Variants in DOCK3 observed in about 807,000 individuals in gnomAD.
The protein encoded by DOCK3 is dedicator of cytokinesis 3.
Under a neutral mutation model 265.6 loss-of-function variants are expected in DOCK3, and 60 were observed. The ratio of observed to expected loss-of-function variants is 0.23; its 90% CI spans 0.18 to 0.28. DOCK3 has a LOEUF of 0.28. Ranked by LOEUF, DOCK3 falls within the 10% of genes least tolerant of loss-of-function variation. The probability of loss-of-function intolerance (pLI) is 1.00; values close to 1 mark genes in which losing one functional copy is unlikely to be tolerated. For missense variants in DOCK3, 1,981 were observed against 2,594.3 expected, an observed-to-expected ratio of 0.76 and a Z score of 5.14; for synonymous variants, 881 against 938.0, an observed-to-expected ratio of 0.94 and a Z score of 1.11.
chr3:50,708,020 G>A (rs2036523964), intron 1 of DOCK3, among the ~76,000 whole-genome samples: 1 of 152,214 alleles, frequency 6.6e-6, no homozygotes, highest in Non-Finnish European at 1.5e-5. Flanking sequence ...ACCCACATGT[G>A]AGTTGCTAGT....
chr3:50,853,439 GTTTTTCAATTT>G (rs1284621085), intron 3 of DOCK3, among the ~76,000 whole-genome samples: 2 of 152,080 alleles, frequency 1.3e-5, no homozygotes, highest in Non-Finnish European at 2.9e-5. Flanking sequence ...TCAAGAGGTA[GTTTTTCAATTT>G]TTGCCTCTCT....
chr3:50,776,004 G>C (rs1334867275), intron 1 of DOCK3, among the ~76,000 whole-genome samples: 2 of 152,122 alleles, frequency 1.3e-5, no homozygotes, highest in African/African-American at 2.4e-5. Flanking sequence ...CATTTAGGTT[G>C]GTTCTGTGTC....
At chr3:50,710,056 C>A (rs1029395291) in intron 1 of DOCK3, among the ~76,000 whole-genome samples, 5 of 151,948 alleles carry the variant, frequency 3.3e-5, no homozygotes, top group African/African-American at 1.2e-4. Flanking sequence ...GACCTGAAAC[C>A]AAAAATTTCT....
intron 9 of DOCK3, among the ~76,000 whole-genome samples, chr3:51,138,541 G>T (rs1451283865): frequency 6.6e-6 from 1 of 152,194 alleles, no homozygotes; most frequent in African/African-American, 2.4e-5. Context: ...GAGAAAAAGA[G>T]AAGTTCCTAT....
At position 50,999,476 on chromosome 3, in the gene DOCK3, C is replaced by T. The variant is rs1217503857; in HGVS notation, c.316-64972C>T. Reference sequence around the variant, plus strand: ...ACCTAGTTATTTACCTTGAAACATACATTCTATGATCTCTAAAATTTAGAG... The same window carrying T: ...ACCTAGTTATTTACCTTGAAACATATATTCTATGATCTCTAAAATTTAGAG... On this transcript the variant is annotated intron_variant, in intron 5 of 52. Coordinates refer to ENST00000266037, the MANE Select transcript of DOCK3 (RefSeq NM_004947.5). 2.0e-5 allele frequency among the ~76,000 whole-genome samples: 3 copies of T among 152,298 alleles called. No individual in the cohort carries two copies. In the East Asian group the frequency reaches 5.8e-4, roughly 29 times the overall value.
At chr3:50,843,575 T>A (rs2045940879) in intron 3 of DOCK3, among the ~76,000 whole-genome samples, 1 of 152,220 alleles carries the variant, frequency 6.6e-6, no homozygotes, top group South Asian at 2.1e-4. Flanking sequence ...TGATTACTCT[T>A]AGCAGTGTTT....
At chr3:50,790,624 A>C (rs2042421282) in intron 2 of DOCK3, among the ~76,000 whole-genome samples, 4 of 152,078 alleles carry the variant, frequency 2.6e-5, no homozygotes. Flanking sequence ...TGTTTTGTTT[A>C]AGGAGACTAA....
intron 1 of DOCK3, among the ~76,000 whole-genome samples, chr3:50,738,721 A>G (rs575414135): frequency 6.6e-6 from 1 of 152,304 alleles, no homozygotes; most frequent in South Asian, 2.1e-4. Flanking sequence ...GTGAGGTACT[A>G]TTCCCAAATC....
rs2050424049 is a variant in DOCK3, at chr3:50,921,006, A to C, written c.219-12975A>C. On this transcript the variant is annotated intron_variant, in intron 4 of 52. Coordinates refer to ENST00000266037, the MANE Select transcript of DOCK3 (RefSeq NM_004947.5). ...TATTTCTGCCTTTATTTTGTTATGT[A>C]CCCAGTAGTCATTCAGGAGCAGGTT... 2.0e-5 allele frequency among the ~76,000 whole-genome samples: 3 copies of C among 152,106 alleles called. No individual in the cohort carries two copies. The South Asian group carries it at 6.2e-4, about 32-fold the overall frequency.
intron 1 of DOCK3, among the ~76,000 whole-genome samples, chr3:50,677,412 T>C (rs552146128): frequency 2.0e-5 from 3 of 152,368 alleles, no homozygotes; most frequent in Admixed American, 2.0e-4. Flanking sequence ...ATTATACTTA[T>C]GAGAAAAATA....
intron 23 of DOCK3, among the ~76,000 whole-genome samples, chr3:51,265,815 C>T (rs1205196841): frequency 6.6e-6 from 1 of 152,156 alleles, no homozygotes; most frequent in Non-Finnish European, 1.5e-5. Flanking sequence ...TCTCACACTC[C>T]TATTCAACAT....
Position 51,016,923 on chromosome 3 carries a change from T to TATGA in DOCK3, c.316-47525_316-47524insATGA, listed in dbSNP as rs1448332259. Among the ~76,000 whole-genome samples the TATGA allele has an allele frequency of 6.2e-5, 7 of 113,610 alleles. 1 individual carries two copies. The highest frequency in any genetic ancestry group is 2.5e-4 in the African/African-American group (7 of 27,510). The allele number at this position is 113,610 out of a possible 152,430, so 74.5% of individuals were successfully genotyped here. ...TGATATATGTTTATATATAAATATA[T>TATGA]TAATATATACAATATATGTTATATA... On this transcript the variant is annotated intron_variant, in intron 5 of 52. Transcript: ENST00000266037.
intron 5 of DOCK3, among the ~76,000 whole-genome samples, chr3:51,063,110 T>A (rs2109260838): frequency 6.6e-6 from 1 of 152,208 alleles, no homozygotes; most frequent in East Asian, 1.9e-4. Flanking sequence ...GGGCCAGGTG[T>A]GGTGGCTCAT....
chr3:50,808,275 G>A (rs573488906), intron 2 of DOCK3, among the ~76,000 whole-genome samples: 1 of 152,260 alleles, frequency 6.6e-6, no homozygotes, highest in Admixed American at 6.5e-5. Flanking sequence ...AAAGATGCCA[G>A]TTCTCTCCAA....
chr3:50,757,163 C>CTTTTTTTTTTT (rs34435343), intron 1 of DOCK3, among the ~76,000 whole-genome samples: 1 of 81,626 alleles, frequency 1.2e-5, no homozygotes, highest in Non-Finnish European at 2.1e-5. Context: ...AGATTGTCGT[C>CTTTTTTTTTTT]TTTTTTTTTT....
chr3:51,277,855 C>T (rs956997409), intron 26 of DOCK3, 101 bp downstream of exon 26: 28 of 1,537,392 alleles, frequency 1.8e-5, no homozygotes, highest in Non-Finnish European at 2.5e-5. Flanking sequence ...TTCATCTCAG[C>T]CTTCCCTCCT....
chr3:51,092,396 G>A (rs867069664), intron 9 of DOCK3, among the ~76,000 whole-genome samples: 7 of 152,190 alleles, frequency 4.6e-5, no homozygotes, highest in African/African-American at 7.2e-5. Context: ...AAACAAAGCC[G>A]CTGGGAAGTT....
intron 5 of DOCK3, among the ~76,000 whole-genome samples, chr3:50,995,117 TTTTATA>T (rs993887439): frequency 6.2e-5 from 9 of 144,138 alleles, no homozygotes; most frequent in Non-Finnish European, 1.3e-4. Flanking sequence ...AATACAGTGT[TTTTATA>T]TTTATATGTA....
At position 51,016,676 on chromosome 3, in the gene DOCK3, T is replaced by TTTATATATCATAATATATAAATATATA. The variant is rs1559945102; in HGVS notation, c.316-47760_316-47759insATATATAAATATATATTATATATCATA. Among the ~76,000 whole-genome samples, 2 of 33,168 alleles carry TTTATATATCATAATATATAAATATATA rather than the reference T, an allele frequency of 6.0e-5. 1 individual carries two copies. The highest frequency in any genetic ancestry group is 1.9e-4 in the African/African-American group (2 of 10,694). 21.8% of individuals were successfully genotyped at this position (33,168 alleles called of 152,430 possible). On this transcript the variant is annotated intron_variant, in intron 5 of 52. Coordinates refer to ENST00000266037, the MANE Select transcript of DOCK3 (RefSeq NM_004947.5). ...GTTTATATATATTATATGATATATA[T>TTTATATATCATAATATATAAATATATA]TTATATATCATATAATATATAAATA...
Sources: gnomAD v4.1 joint callset for allele counts (sites outside exome capture counted in the v4.1 genomes callset) on GRCh38, gnomAD v4.1.1 for gene constraint, MANE v1.5 for transcripts, NCBI Gene and HGNC (gene_info 2026-07-23, HGNC 2026-07-21) for gene names.